REDIC1: variants seen among roughly 807,000 people sequenced by gnomAD.
REDIC1 encodes HEI10 Interacting Protein 1.
chr12:39,861,259 T>C, the REDIC1 span, among the ~76,000 whole-genome samples: 1 of 152,224 alleles, frequency 6.6e-6, no homozygotes, highest in East Asian at 1.9e-4. Context: ...CTGTAATGTT[T>C]ATTGAGTGCT....
chr12:39,768,675 T>C, the REDIC1 span, among the ~76,000 whole-genome samples: 20,370 of 151,972 alleles, frequency 0.13, 1,648 homozygotes, highest in East Asian at 0.4. Context: ...TTTGACGTCT[T>C]ATACGGGTGC....
At chr12:39,740,608 A>G in the REDIC1 span, among the ~76,000 whole-genome samples, 4 of 152,318 alleles carry the variant, frequency 2.6e-5, no homozygotes, top group South Asian at 8.3e-4. Flanking sequence ...ATAATTTGTG[A>G]TGAAAAATAT....
chr12:39,804,748 G>C, the REDIC1 span, among the ~76,000 whole-genome samples: 3 of 152,056 alleles, frequency 2.0e-5, no homozygotes, highest in African/African-American at 7.2e-5. Flanking sequence ...GTCTAGAATG[G>C]AGCTTACATT....
At chr12:39,846,886 T>C in the REDIC1 span, among the ~76,000 whole-genome samples, 2 of 152,130 alleles carry the variant, frequency 1.3e-5, no homozygotes, top group South Asian at 4.1e-4. Context: ...GTTAACTATA[T>C]AATAAATGGC....
chr12:39,837,286 T>C, the REDIC1 span, among the ~76,000 whole-genome samples: 1 of 149,558 alleles, frequency 6.7e-6, no homozygotes, highest in Non-Finnish European at 1.5e-5. Flanking sequence ...TGGCTAGCCA[T>C]ATGTAGGAAG....
the REDIC1 span, among the ~76,000 whole-genome samples, chr12:39,797,779 C>T: frequency 6.6e-6 from 1 of 151,750 alleles, no homozygotes; most frequent in Non-Finnish European, 1.5e-5. Flanking sequence ...CACACACATA[C>T]ACGGATGCAT....
At chr12:39,781,530 C>T in the REDIC1 span, among the ~76,000 whole-genome samples, 1 of 152,218 alleles carries the variant, frequency 6.6e-6, no homozygotes, top group Non-Finnish European at 1.5e-5. Flanking sequence ...TTCACCATTT[C>T]ACAAATGTAA....
At chr12:39,713,564 G>A in the REDIC1 span, among the ~76,000 whole-genome samples, 6 of 148,824 alleles carry the variant, frequency 4.0e-5, no homozygotes, top group Non-Finnish European at 9.0e-5. Context: ...GCATACATGT[G>A]TACGCGTACA....
the REDIC1 span, among the ~76,000 whole-genome samples, chr12:39,887,728 G>C: frequency 6.6e-6 from 1 of 152,090 alleles, no homozygotes; most frequent in South Asian, 2.1e-4. Context: ...TTTATAATTT[G>C]TCCAAATCCT....
the REDIC1 span, among the ~76,000 whole-genome samples, chr12:39,732,620 G>T: frequency 2.0e-5 from 3 of 152,168 alleles, no homozygotes; most frequent in Non-Finnish European, 4.4e-5. Flanking sequence ...GTTTATATAA[G>T]AAAGGCAAGA....
At chr12:39,693,623 G>A in the REDIC1 span, among the ~76,000 whole-genome samples, 2 of 151,986 alleles carry the variant, frequency 1.3e-5, no homozygotes, top group Admixed American at 6.6e-5. Context: ...GTTAGTGCTA[G>A]GTATTTCTTC....
the REDIC1 span, among the ~76,000 whole-genome samples, chr12:39,767,705 A>T: frequency 6.6e-6 from 1 of 152,068 alleles, no homozygotes; most frequent in Non-Finnish European, 1.5e-5. Context: ...TAGTTCCCAT[A>T]GTCTCCACGT....
the REDIC1 span, chr12:39,691,897 A>G: frequency 3.1e-6 from 2 of 637,172 alleles, no homozygotes; most frequent in Non-Finnish European, 4.7e-6. Context: ...CCACAGGCTA[A>G]TTTTTCTTTG....
At chr12:39,889,744 A>C in the REDIC1 span, among the ~76,000 whole-genome samples, 1 of 151,786 alleles carries the variant, frequency 6.6e-6, no homozygotes, top group African/African-American at 2.4e-5. Flanking sequence ...GTTGGCCAGG[A>C]TGGTCTTGAT....
At chr12:39,668,431 G>T in the REDIC1 span, among the ~76,000 whole-genome samples, 1 of 152,190 alleles carries the variant, frequency 6.6e-6, no homozygotes, top group Non-Finnish European at 1.5e-5. Context: ...TCTGCCGAGA[G>T]ATCAGCTCTT....
chr12:39,823,310 T>C, the REDIC1 span, among the ~76,000 whole-genome samples: 1 of 152,238 alleles, frequency 6.6e-6, no homozygotes, highest in Non-Finnish European at 1.5e-5. Context: ...TGGAGGTTTT[T>C]CTATCCCTTA....
At chr12:39,713,199 G>T in the REDIC1 span, among the ~76,000 whole-genome samples, 1 of 148,418 alleles carries the variant, frequency 6.7e-6, no homozygotes, top group South Asian at 2.1e-4. Flanking sequence ...GTATATATTT[G>T]CATATTCATA....
At chr12:39,745,294 G>A in the REDIC1 span, among the ~76,000 whole-genome samples, 1 of 152,110 alleles carries the variant, frequency 6.6e-6, no homozygotes, top group South Asian at 2.1e-4. Flanking sequence ...CAATTTTCAG[G>A]TCAAGACAGT....
the REDIC1 span, among the ~76,000 whole-genome samples, chr12:39,893,432 T>G: frequency 6.6e-6 from 1 of 152,228 alleles, no homozygotes; most frequent in East Asian, 1.9e-4. Flanking sequence ...CCCGACTGGC[T>G]GGGACTACAG....
Sources: allele counts gnomAD v4.1 joint callset (sites outside exome capture counted in the v4.1 genomes callset), GRCh38; gene constraint gnomAD v4.1.1; transcripts MANE v1.5; gene names NCBI Gene and HGNC (gene_info 2026-07-23, HGNC 2026-07-21).